Variants in GNAQ observed in about 807,000 individuals in gnomAD.
GNAQ encodes G protein subunit alpha q.
In GNAQ, 8 loss-of-function variants were observed where a neutral mutation model predicts 43.9. The ratio of observed to expected loss-of-function variants is 0.18; its 90% CI spans 0.11 to 0.33. GNAQ has a LOEUF of 0.33. Ranked by LOEUF, GNAQ falls within the 10% of genes least tolerant of loss-of-function variation. GNAQ has a pLI of 1.00. For missense variants in GNAQ, 158 were observed against 450.8 expected, an observed-to-expected ratio of 0.35 and a Z score of 5.88; for synonymous variants, 155 against 170.7, an observed-to-expected ratio of 0.91 and a Z score of 0.71.
chr9:77,838,846 T>C (rs1362017717), intron 2 of GNAQ, among the ~76,000 whole-genome samples: 4 of 152,192 alleles, frequency 2.6e-5, no homozygotes, highest in African/African-American at 9.6e-5. Context: ...CAGTTTTCAC[T>C]TGGATGCTGC....
chr9:77,725,149 T>C (rs1825378845), intron 6 of GNAQ, among the ~76,000 whole-genome samples: 1 of 152,128 alleles, frequency 6.6e-6, no homozygotes, highest in Non-Finnish European at 1.5e-5. Context: ...GAAGTGTACT[T>C]GAAAAGTGTT....
chr9:77,999,699 G>A (rs1823619849), intron 1 of GNAQ, among the ~76,000 whole-genome samples: 1 of 152,184 alleles, frequency 6.6e-6, no homozygotes, highest in Non-Finnish European at 1.5e-5. Context: ...GACTGTGCTA[G>A]GAGCTGATGA....
At chr9:77,917,648 T>C (rs1220692039) in intron 2 of GNAQ, among the ~76,000 whole-genome samples, 1 of 152,216 alleles carries the variant, frequency 6.6e-6, no homozygotes, top group Non-Finnish European at 1.5e-5. Flanking sequence ...GAGCCTTAAA[T>C]ATGGCTTTTG....
intron 3 of GNAQ, among the ~76,000 whole-genome samples, chr9:77,808,654 A>G (rs1826866136): frequency 6.6e-6 from 1 of 152,072 alleles, no homozygotes; most frequent in Non-Finnish European, 1.5e-5. Context: ...AGATAAAGGG[A>G]GTCAACTCCA....
In GNAQ at chr9:77,716,945, G is replaced by A. The variant is rs182257110; in HGVS notation, c.*4378C>T. ...GATCATTGGGAAGACAGCAGGAAAT[G>A]GCTATTCTGTGAGAAAAACAAATGA... On this transcript the variant is annotated 3_prime_UTR_variant, in exon 7 of 7. Coordinates refer to ENST00000286548, the MANE Select transcript of GNAQ (RefSeq NM_002072.5). 99 of 232,772 alleles carry A rather than the reference G, an allele frequency of 4.3e-4. No individual in the cohort carries two copies. The highest frequency in any genetic ancestry group is 2.1e-3 in the African/African-American group (94 of 45,440). The allele number at this position is 232,772 out of a possible 1,614,324, so 14.4% of individuals were successfully genotyped here. A position where few individuals can be genotyped will look rare whatever the true frequency, so the allele number is the denominator to read the frequency against.
chr9:77,994,175 C>T (rs375426344), intron 1 of GNAQ, among the ~76,000 whole-genome samples: 4 of 152,030 alleles, frequency 2.6e-5, no homozygotes, highest in African/African-American at 7.3e-5. Flanking sequence ...CATCACCATG[C>T]CCAGCTAACT....
intron 2 of GNAQ, among the ~76,000 whole-genome samples, chr9:77,913,800 T>C (rs756362085): frequency 9.9e-5 from 15 of 152,204 alleles, no homozygotes; most frequent in Admixed American, 1.3e-4. Flanking sequence ...TATGGTTATA[T>C]TGACCCAGAT....
chr9:77,981,595 T>C (rs1034835425), intron 1 of GNAQ, among the ~76,000 whole-genome samples: 1 of 152,240 alleles, frequency 6.6e-6, no homozygotes, highest in Non-Finnish European at 1.5e-5. Flanking sequence ...CTGTATACTC[T>C]ATTTTGCATG....
chr9:77,963,613 C>T (rs1182788355), intron 1 of GNAQ, among the ~76,000 whole-genome samples: 1 of 152,122 alleles, frequency 6.6e-6, no homozygotes, highest in Non-Finnish European at 1.5e-5. Flanking sequence ...GGGTCAAGAG[C>T]AAAGGTCATG....
chr9:77,865,848 T>C (rs1161616727), intron 2 of GNAQ, among the ~76,000 whole-genome samples: 2 of 152,268 alleles, frequency 1.3e-5, no homozygotes, highest in African/African-American at 4.8e-5. Context: ...TGGGTGAGGC[T>C]GATTATAATT....
intron 2 of GNAQ, among the ~76,000 whole-genome samples, chr9:77,896,217 A>G (rs895406284): frequency 6.6e-6 from 1 of 152,196 alleles, no homozygotes; most frequent in African/African-American, 2.4e-5. Flanking sequence ...AAAAGAAGCT[A>G]AATTGGAACA....
chr9:77,803,425 G>A (rs1434529661), intron 3 of GNAQ, among the ~76,000 whole-genome samples: 2 of 152,166 alleles, frequency 1.3e-5, no homozygotes, highest in South Asian at 2.1e-4. Context: ...CTGAGGAGGT[G>A]GGACTTTATC....
chr9:77,917,085 G>A (rs1828920132), intron 2 of GNAQ, among the ~76,000 whole-genome samples: 1 of 152,170 alleles, frequency 6.6e-6, no homozygotes, highest in Non-Finnish European at 1.5e-5. Flanking sequence ...AAAGGAAGAA[G>A]CTTGCTTACT....
intron 5 of GNAQ, among the ~76,000 whole-genome samples, chr9:77,767,156 G>C (rs868185327): frequency 1.3e-5 from 2 of 152,132 alleles, no homozygotes; most frequent in African/African-American, 4.8e-5. Flanking sequence ...CAAGGGGAAG[G>C]GTTGGGAGAA....
intron 4 of GNAQ, among the ~76,000 whole-genome samples, chr9:77,795,528 T>C (rs1230243698): frequency 1.3e-5 from 2 of 152,176 alleles, no homozygotes; most frequent in African/African-American, 4.8e-5. Context: ...TTGTTTAAAA[T>C]TGCAGTTGCT....
Position 77,760,627 on chromosome 9 carries a change from A to G in GNAQ, c.736-31960T>C, listed in dbSNP as rs1164883076. On this transcript the variant is annotated intron_variant, in intron 5 of 6. Transcript: ENST00000286548. ...AGAGTGCAGCCTCTGCCCGGCCGCC[A>G]CCCCGTCTAGGAAGTGAGGAGCGTC... 1.1e-4 allele frequency among the ~76,000 whole-genome samples: 16 copies of G among 151,594 alleles called. No individual in the cohort carries two copies. In the East Asian group the frequency reaches 3.0e-3, roughly 28 times the overall value.
At chr9:77,898,644 G>GATGT (rs1432146896) in intron 2 of GNAQ, among the ~76,000 whole-genome samples, 1 of 152,124 alleles carries the variant, frequency 6.6e-6, no homozygotes, top group Non-Finnish European at 1.5e-5. Context: ...TGGATGGATG[G>GATGT]ATGGACAGAT....
At chr9:77,743,665 AACT>A (rs749845288) in intron 5 of GNAQ, among the ~76,000 whole-genome samples, 1 of 151,374 alleles carries the variant, frequency 6.6e-6, no homozygotes, top group Non-Finnish European at 1.5e-5. Context: ...TTTTTTTTTA[AACT>A]GACTGATAGC....
intron 5 of GNAQ, among the ~76,000 whole-genome samples, chr9:77,733,504 C>T (rs79910578): frequency 0.034 from 5,111 of 152,268 alleles, 249 homozygotes; most frequent in African/African-American, 0.11. Flanking sequence ...ATGTTCCTGA[C>T]TTGTGGCCCA....
Sources: gnomAD v4.1 joint callset for allele counts (sites outside exome capture counted in the v4.1 genomes callset) on GRCh38, gnomAD v4.1.1 for gene constraint, MANE v1.5 for transcripts, NCBI Gene and HGNC (gene_info 2026-07-23, HGNC 2026-07-21) for gene names.